Variants in SLC2A9 observed in about 807,000 individuals in gnomAD.
SLC2A9 encodes solute carrier family 2 member 9.
A neutral mutation model predicts 50.6 loss-of-function variants in SLC2A9; 39 were observed. The ratio of observed to expected loss-of-function variants is 0.77; its 90% CI spans 0.60 to 1.01. The LOEUF (loss-of-function observed/expected upper bound fraction) is 1.01, where lower values mean the gene tolerates loss of function less well. Among genes scored for constraint, SLC2A9 ranks in the 50% least tolerant of loss-of-function variants. The pLI, the probability that SLC2A9 is intolerant of heterozygous loss-of-function variation, is 0.00. For synonymous variants in SLC2A9, 324 were observed against 276.9 expected, an observed-to-expected ratio of 1.17 and a Z score of -1.69; for missense variants, 686 against 677.6, an observed-to-expected ratio of 1.01 and a Z score of -0.14.
Position 9,973,951 on chromosome 4 carries a change from T to C in SLC2A9, c.681+6641A>G, listed in dbSNP as rs114870949. Reference sequence around the variant, plus strand: ...CAAATTACCAGCAAACCGAATCCAGTAGTATATCAAAAGTCAATTCACCAT... The same window carrying C: ...CAAATTACCAGCAAACCGAATCCAGCAGTATATCAAAAGTCAATTCACCAT... On this transcript the variant is annotated intron_variant, in intron 5 of 11. Coordinates refer to ENST00000264784, the MANE Select transcript of SLC2A9 (RefSeq NM_020041.3). 9.5e-3 allele frequency among the ~76,000 whole-genome samples: 1,436 copies of C among 151,922 alleles called. 27 individuals carry two copies. Among genetic ancestry groups the C allele is most frequent in the African/African-American group, 0.033 (1,385 of 41,428 alleles).
At chr4:9,816,135 A>C (rs559317767) in intron 3 of SLC2A9, among the ~76,000 whole-genome samples, 4 of 152,096 alleles carry the variant, frequency 2.6e-5, no homozygotes, top group Non-Finnish European at 5.9e-5. Flanking sequence ...GCACCACTGC[A>C]CTCCAGCCTG....
At chr4:9,976,518 G>A (rs62295971) in intron 5 of SLC2A9, among the ~76,000 whole-genome samples, 64,493 of 152,114 alleles carry the variant, frequency 0.42, 14,882 homozygotes, top group Non-Finnish European at 0.52. Flanking sequence ...CCCATTTGAT[G>A]TTCTTTCCTG....
intron 3 of SLC2A9, among the ~76,000 whole-genome samples, chr4:9,790,904 T>C (rs937323942): frequency 4.6e-5 from 7 of 152,252 alleles, no homozygotes; most frequent in Non-Finnish European, 7.3e-5. Context: ...CAATATTAAA[T>C]GGGCTCTTAT....
chr4:9,882,107 T>C (rs563237720), intron 10 of SLC2A9, among the ~76,000 whole-genome samples: 158 of 152,366 alleles, frequency 1.0e-3, no homozygotes, highest in African/African-American at 3.7e-3. Context: ...AAAATCAACA[T>C]GCTTTTAATT....
At chr4:9,936,085 A>C (rs756092176) in intron 6 of SLC2A9, among the ~76,000 whole-genome samples, 2 of 152,178 alleles carry the variant, frequency 1.3e-5, no homozygotes, top group Non-Finnish European at 2.9e-5. Flanking sequence ...CCCTTCTGCC[A>C]AAATACCATT....
At chr4:10,012,073 T>C (rs1454525894) in intron 2 of SLC2A9, among the ~76,000 whole-genome samples, 1 of 152,246 alleles carries the variant, frequency 6.6e-6, no homozygotes, top group Non-Finnish European at 1.5e-5. Flanking sequence ...AACTGCTTTA[T>C]CTCTACATAG....
intron 6 of SLC2A9, among the ~76,000 whole-genome samples, chr4:9,927,202 A>G (rs1745069793): frequency 9.5e-6 from 1 of 104,938 alleles, no homozygotes; most frequent in African/African-American, 4.8e-5. Flanking sequence ...TATTTAGTAG[A>G]GATGGGGTTT....
At chr4:9,857,703 A>C (rs1423289713) in intron 10 of SLC2A9, among the ~76,000 whole-genome samples, 1 of 152,234 alleles carries the variant, frequency 6.6e-6, no homozygotes, top group Non-Finnish European at 1.5e-5. Context: ...AGGTGCCCAC[A>C]GCAGGAACTT....
intron 10 of SLC2A9, among the ~76,000 whole-genome samples, chr4:9,859,837 A>G (rs116968042): frequency 7.0e-4 from 106 of 152,338 alleles, no homozygotes; most frequent in East Asian, 6.4e-3. Context: ...CTCTCTTTGC[A>G]GAACCGGCAG....
At chr4:10,033,421 C>T (rs1764000420) in intron 1 of SLC2A9, among the ~76,000 whole-genome samples, 1 of 152,170 alleles carries the variant, frequency 6.6e-6, no homozygotes, top group Non-Finnish European at 1.5e-5. Flanking sequence ...CTTCTGTGAA[C>T]ACACTCAACC....
chr4:10,022,144 C>T (rs529267181), upstream of SLC2A9, among the ~76,000 whole-genome samples: 2 of 152,306 alleles, frequency 1.3e-5, no homozygotes, highest in South Asian at 2.1e-4. Flanking sequence ...TGGCCAACTC[C>T]TCCACTTTTT....
At chr4:9,781,938 G>A in intron 3 of SLC2A9, 3 of 1,142,820 alleles carry the variant, frequency 2.6e-6, no homozygotes, top group Non-Finnish European at 3.5e-6. Context: ...TGGCTGAGGG[G>A]GCGCATCCTC....
chr4:9,889,289 G>A lies in SLC2A9; in HGVS notation c.1215+1321C>T, dbSNP rs185455331. 2.6e-3 allele frequency among the ~76,000 whole-genome samples: 394 copies of A among 152,270 alleles called. 1 individual carries two copies. Among genetic ancestry groups the A allele is most frequent in the South Asian group, 5.4e-3 (26 of 4,828 alleles). On this transcript the variant is annotated intron_variant, in intron 9 of 11. Transcript: ENST00000264784. The stretch of plus-strand genomic sequence containing the variant: ...CTGCCAGGTTCCTTGAGGAGCTGCC[G>A]GGGGCAGGGTGTGGGGCACTGGAGG...
chr4:9,917,138 C>A (rs1486027596), intron 7 of SLC2A9, among the ~76,000 whole-genome samples: 2 of 152,004 alleles, frequency 1.3e-5, no homozygotes, highest in Non-Finnish European at 2.9e-5. Flanking sequence ...ATGCTGAGGA[C>A]AAACTGCTCG....
downstream of SLC2A9, among the ~76,000 whole-genome samples, chr4:9,825,776 G>A (rs1222216146): frequency 2.6e-5 from 4 of 152,156 alleles, no homozygotes; most frequent in South Asian, 6.2e-4. Flanking sequence ...GACAAAATCT[G>A]CAGGCTGGTG....
chr4:10,006,331 C>G (rs1011567225), intron 2 of SLC2A9, among the ~76,000 whole-genome samples: 2 of 152,226 alleles, frequency 1.3e-5, no homozygotes, highest in African/African-American at 4.8e-5. Flanking sequence ...CTCCCGTGAA[C>G]TCACTTGGAA....
At chr4:9,970,708 G>A (rs1315776882) in intron 5 of SLC2A9, among the ~76,000 whole-genome samples, 1 of 151,906 alleles carries the variant, frequency 6.6e-6, no homozygotes, top group Non-Finnish European at 1.5e-5. Context: ...TTACAATGAG[G>A]GAAGAAAGAG....
intron 3 of SLC2A9, among the ~76,000 whole-genome samples, chr4:9,808,129 G>C (rs111530100): frequency 1.3e-5 from 2 of 152,200 alleles, no homozygotes; most frequent in Non-Finnish European, 2.9e-5. Context: ...GGCTGTCACG[G>C]TGTCTTGGCT....
intron 1 of SLC2A9, among the ~76,000 whole-genome samples, chr4:10,039,849 T>C (rs533608006): frequency 1.3e-5 from 2 of 152,286 alleles, no homozygotes; most frequent in South Asian, 2.1e-4. Context: ...CAGTTCTAGA[T>C]TAAGCCTTCA....
Sources: gnomAD v4.1 joint callset for allele counts (sites outside exome capture counted in the v4.1 genomes callset) on GRCh38, gnomAD v4.1.1 for gene constraint, MANE v1.5 for transcripts, NCBI Gene and HGNC (gene_info 2026-07-23, HGNC 2026-07-21) for gene names.